PRSS53: variants seen among roughly 807,000 people sequenced by gnomAD.
The protein encoded by PRSS53 is EDTP308.
Under a neutral mutation model 62.7 loss-of-function variants are expected in PRSS53, and 54 were observed. The observed-to-expected ratio is 0.86, with a 90% CI of 0.69 to 1.08. The LOEUF (loss-of-function observed/expected upper bound fraction) is 1.08, where lower values mean the gene tolerates loss of function less well. PRSS53 is among the 50% of genes least tolerant of loss of function. The pLI, the probability that PRSS53 is intolerant of heterozygous loss-of-function variation, is 0.00. For missense variants in PRSS53, 688 were observed against 728.3 expected (o/e 0.94, Z 0.64); for synonymous variants, 273 against 300.0 (o/e 0.91, Z 0.93).
At chr16:31,085,921 T>C (rs774100931) in intron 6 of PRSS53, 43 bp downstream of exon 6, 1 of 1,562,040 alleles carries the variant, frequency 6.4e-7, no homozygotes, top group Admixed American at 1.7e-5. Flanking sequence ...TGAGGTTTGC[T>C]TCACAGTGGC....
rs758037443 is a variant in PRSS53, at chr16:31,087,789, G to C, written c.79+17C>G. 5 of 1,614,086 alleles carry C rather than the reference G, an allele frequency of 3.1e-6. No individual in the cohort carries two copies. The highest frequency in any genetic ancestry group is 2.2e-5 in the South Asian group (2 of 91,084). On this transcript the variant is annotated intron_variant, in intron 2 of 10. Transcript: ENST00000280606. ...CAGACCCAAGTAAGACCTAGGCCCC[G>C]TGTCCCCAGACCTTACCACGCTGAG... is the stretch of plus-strand genomic sequence containing the variant.
At chr16:31,085,474 G>T (rs568731997) in intron 6 of PRSS53, among the ~76,000 whole-genome samples, 4 of 152,266 alleles carry the variant, frequency 2.6e-5, no homozygotes, top group Non-Finnish European at 5.9e-5. Flanking sequence ...AGCCCTGTTG[G>T]TCTGATGGGA....
In PRSS53 at chr16:31,087,672, G is replaced by C. The variant is rs541570052; in HGVS notation, c.107C>G (p.Pro36Arg). 86 of 1,611,832 alleles carry C rather than the reference G, an allele frequency of 5.3e-5. 1 individual carries two copies. Among genetic ancestry groups the C allele is most frequent in the South Asian group, 5.2e-4 (47 of 90,506 alleles). Reference sequence around the variant, plus strand: ...GACTGTGTTGCCCTCCTGAGGCTTGGGGGGGCCGGGGCCACGCTGTCCACA... The same window carrying C: ...GACTGTGTTGCCCTCCTGAGGCTTGCGGGGGCCGGGGCCACGCTGTCCACA... Residue 36 changes from proline to arginine, a missense_variant, in exon 3 of 11, where the codon CCC (proline) becomes CGC (arginine). Pro to Arg is a moderately radical substitution (Grantham distance 103, BLOSUM62 -2). Transcript: ENST00000280606.
rs762286967 is a variant in PRSS53, at chr16:31,086,828, C to T, written c.313G>A (p.Gly105Arg). 1.5e-5 allele frequency: 24 copies of T among 1,613,504 alleles called. No individual in the cohort carries two copies. In the African/African-American group the frequency reaches 2.0e-4, roughly 13 times the overall value. The change falls in exon 4 of 11, where the codon GGG becomes AGG. Residue 105 changes from glycine (G) to arginine (R), a missense_variant. By Grantham distance (125) the Gly-to-Arg change is moderately radical (BLOSUM62 -2). Coordinates refer to ENST00000280606, the Ensembl canonical transcript of PRSS53. ...GCAGCCACCCCCACCTCTTCGGCCC[C>T]AGGGCTGAGTCCCTCACGCTGCAGA...
chr16:31,083,504 T>A (rs963438931), exon 11 of PRSS53: 2 of 1,334,184 alleles, frequency 1.5e-6, no homozygotes, highest in Non-Finnish European at 1.9e-6. Flanking sequence ...AAAGAAATTT[T>A]CAAAACAACG....
At chr16:31,087,431 G>A in intron 3 of PRSS53, 106 bp downstream of exon 3, 1 of 773,764 alleles carries the variant, frequency 1.3e-6, no homozygotes, top group Admixed American at 2.8e-5. Flanking sequence ...CTCAGTAAAT[G>A]GTTCTTTATT....
Sources: gnomAD v4.1 joint callset for allele counts (sites outside exome capture counted in the v4.1 genomes callset) on GRCh38, gnomAD v4.1.1 for gene constraint, MANE v1.5 for transcripts, NCBI Gene and HGNC (gene_info 2026-07-23, HGNC 2026-07-21) for gene names.